NRXN1: variants seen among roughly 807,000 people sequenced by gnomAD.
NRXN1 encodes neurexin 1, also known as neurexin-1.
Under a neutral mutation model 150.9 loss-of-function variants are expected in NRXN1, and 39 were observed. The ratio of observed to expected loss-of-function variants is 0.26; its 90% CI spans 0.20 to 0.34. The LOEUF (loss-of-function observed/expected upper bound fraction) is 0.34, where lower values mean the gene tolerates loss of function less well. NRXN1 is among the 10% of genes least tolerant of loss of function. The probability of loss-of-function intolerance (pLI) is 1.00; values close to 1 mark genes in which losing one functional copy is unlikely to be tolerated. For synonymous variants in NRXN1, 924 were observed against 757.0 expected (o/e 1.22, Z -3.62); for missense variants, 1,815 against 1,949.9 (o/e 0.93, Z 1.30).
intron 21 of NRXN1, among the ~76,000 whole-genome samples, chr2:50,032,936 T>C (rs1558734615): frequency 6.7e-6 from 1 of 150,230 alleles, no homozygotes; most frequent in African/African-American, 2.5e-5. Flanking sequence ...TACACACACA[T>C]AATACACACA....
chr2:50,973,609 A>G (rs911618300), intron 2 of NRXN1, among the ~76,000 whole-genome samples: 1 of 152,126 alleles, frequency 6.6e-6, no homozygotes, highest in Admixed American at 6.6e-5. Flanking sequence ...ATATGTATAT[A>G]GAGTATAGAA....
Position 49,922,567 on chromosome 2 carries a change from C to T in NRXN1, c.4217-316G>A, listed in dbSNP as rs139929827. On this transcript the variant is annotated intron_variant, in intron 22 of 22. Transcript: ENST00000401669. ...TGTGGGTGACTTAAGTAAAAAAAACCCACAAACCCAGCATAAAGAAAAGCA... is the reference window on the plus strand; with the variant it reads ...TGTGGGTGACTTAAGTAAAAAAAACTCACAAACCCAGCATAAAGAAAAGCA... Among the ~76,000 whole-genome samples, 265 of 152,150 alleles carry T rather than the reference C, an allele frequency of 1.7e-3. 1 individual carries two copies. Among genetic ancestry groups the T allele is most frequent in the Non-Finnish European group, 2.5e-3 (172 of 68,008 alleles).
At chr2:50,207,764 C>A (rs1255856382) in intron 18 of NRXN1, 2 of 166,676 alleles carry the variant, frequency 1.2e-5, no homozygotes, top group African/African-American at 4.8e-5. Context: ...CTAATCCATA[C>A]TATTCTGAAT....
At chr2:50,612,236 C>A (rs1490970671) in intron 8 of NRXN1, among the ~76,000 whole-genome samples, 2 of 120,834 alleles carry the variant, frequency 1.7e-5, no homozygotes, top group East Asian at 5.3e-4. Flanking sequence ...ATGTGTACCT[C>A]TTTTCATGCT....
chr2:50,844,754 A>G (rs548894125), intron 5 of NRXN1, among the ~76,000 whole-genome samples: 2 of 152,322 alleles, frequency 1.3e-5, no homozygotes, highest in Admixed American at 6.5e-5. Context: ...AGTGGTAAAC[A>G]CACTACCAGA....
chr2:50,436,993 T>A (rs1250920915), intron 17 of NRXN1, among the ~76,000 whole-genome samples: 1 of 152,138 alleles, frequency 6.6e-6, no homozygotes, highest in Non-Finnish European at 1.5e-5. Context: ...GGCAAATTAT[T>A]TACTGCAGGT....
chr2:50,738,228 T>A (rs2105251971), intron 5 of NRXN1, among the ~76,000 whole-genome samples: 1 of 152,324 alleles, frequency 6.6e-6, no homozygotes, highest in East Asian at 1.9e-4. Context: ...TCAATATTAG[T>A]GATACACTGG....
intron 22 of NRXN1, among the ~76,000 whole-genome samples, chr2:49,938,881 T>A (rs1293633216): frequency 6.6e-6 from 1 of 152,208 alleles, no homozygotes; most frequent in Admixed American, 6.5e-5. Context: ...CAGAAAGGGT[T>A]CTATTTGGAA....
intron 5 of NRXN1, among the ~76,000 whole-genome samples, chr2:50,842,708 G>C (rs1347739439): frequency 6.6e-6 from 1 of 152,134 alleles, no homozygotes; most frequent in African/African-American, 2.4e-5. Context: ...GACCCCCAAA[G>C]TGGTTGACCT....
intron 18 of NRXN1, among the ~76,000 whole-genome samples, chr2:50,190,622 T>C (rs940558194): frequency 6.6e-6 from 1 of 150,840 alleles, no homozygotes; most frequent in Non-Finnish European, 1.5e-5. Flanking sequence ...TCTTTTTTTT[T>C]TTTTTTTGAG....
At chr2:49,996,317 A>G (rs1314460011) in intron 21 of NRXN1, among the ~76,000 whole-genome samples, 1 of 152,206 alleles carries the variant, frequency 6.6e-6, no homozygotes, top group African/African-American at 2.4e-5. Context: ...TTTTCTTTGA[A>G]AGGGATGGGA....
At chr2:50,918,582 T>C (rs553804763) in intron 5 of NRXN1, 1 of 373,742 alleles carries the variant, frequency 2.7e-6, no homozygotes, top group East Asian at 3.7e-5. Context: ...TTTTCATGTA[T>C]AACATATTTT....
At chr2:50,611,512 G>A (rs1435866663) in intron 8 of NRXN1, among the ~76,000 whole-genome samples, 4 of 152,148 alleles carry the variant, frequency 2.6e-5, no homozygotes, top group Non-Finnish European at 5.9e-5. Flanking sequence ...GGGACTCCCT[G>A]AATCCACTTT....
At position 50,333,513 on chromosome 2, in the gene NRXN1, C is replaced by T. The variant is rs546071323; in HGVS notation, c.3365-96543G>A. ...TCAGTAATGAAGGAGGATGTGTGCCCACCCAGCCATGCCATGGTACAAATG... is the reference window on the plus strand; with the variant it reads ...TCAGTAATGAAGGAGGATGTGTGCCTACCCAGCCATGCCATGGTACAAATG... On this transcript the variant is annotated intron_variant, in intron 17 of 22. Coordinates refer to ENST00000401669, the MANE Select transcript of NRXN1 (RefSeq NM_001330078.2). Among the ~76,000 whole-genome samples the T allele has an allele frequency of 1.2e-4, 19 of 152,104 alleles. No homozygotes were observed. In the South Asian group the frequency reaches 1.5e-3, roughly 12 times the overall value.
intron 2 of NRXN1, among the ~76,000 whole-genome samples, chr2:51,001,247 C>A (rs1413132701): frequency 9.6e-6 from 1 of 103,982 alleles, no homozygotes. Context: ...GGGGGGGGGG[C>A]GTTTGTCAGG....
intron 21 of NRXN1, among the ~76,000 whole-genome samples, chr2:49,997,020 C>T (rs1464890766): frequency 5.3e-5 from 8 of 152,074 alleles, no homozygotes; most frequent in Admixed American, 3.3e-4. Context: ...TGCCTGTCTG[C>T]TTCGTTTGAG....
intron 18 of NRXN1, among the ~76,000 whole-genome samples, chr2:50,122,995 T>G (rs894331469): frequency 6.6e-6 from 1 of 152,346 alleles, no homozygotes; most frequent in Admixed American, 6.5e-5. Flanking sequence ...GCTAGAGCGA[T>G]AGATACTAAA....
chr2:51,019,743 C>T (rs1043027603), intron 2 of NRXN1, among the ~76,000 whole-genome samples: 1 of 151,944 alleles, frequency 6.6e-6, no homozygotes, highest in Non-Finnish European at 1.5e-5. Context: ...ATTTGTGCTC[C>T]GTGGATGCAA....
At chr2:50,518,548 T>TA (rs919116793) in intron 12 of NRXN1, among the ~76,000 whole-genome samples, 7 of 151,374 alleles carry the variant, frequency 4.6e-5, no homozygotes, top group South Asian at 2.1e-4. Context: ...GTTGTCTGAA[T>TA]AAAAAAAAAT....
Sources: gnomAD v4.1 joint callset for allele counts (sites outside exome capture counted in the v4.1 genomes callset) on GRCh38, gnomAD v4.1.1 for gene constraint, MANE v1.5 for transcripts, NCBI Gene and HGNC (gene_info 2026-07-23, HGNC 2026-07-21) for gene names.